Variants in ERBB4 observed in about 807,000 individuals in gnomAD.
ERBB4 encodes erb-b2 receptor tyrosine kinase 4.
Under a neutral mutation model 158.0 loss-of-function variants are expected in ERBB4, and 42 were observed. The ratio of observed to expected loss-of-function variants is 0.27; its 90% CI spans 0.21 to 0.34. The LOEUF (loss-of-function observed/expected upper bound fraction) is 0.34, where lower values mean the gene tolerates loss of function less well. Among genes scored for constraint, ERBB4 ranks in the 10% least tolerant of loss-of-function variants. The pLI is 1.00. For synonymous variants in ERBB4, 583 were observed against 558.7 expected, an observed-to-expected ratio of 1.04 and a Z score of -0.61; for missense variants, 1,333 against 1,624.1, an observed-to-expected ratio of 0.82 and a Z score of 3.08.
intron 12 of ERBB4, among the ~76,000 whole-genome samples, chr2:211,689,288 G>A (rs1157225881): frequency 6.6e-6 from 1 of 152,096 alleles, no homozygotes; most frequent in Admixed American, 6.6e-5. Flanking sequence ...TTGACCTCCT[G>A]CGCTCAAGTG....
intron 1 of ERBB4, among the ~76,000 whole-genome samples, chr2:212,465,115 G>A (rs942417767): frequency 6.6e-6 from 1 of 152,064 alleles, no homozygotes; most frequent in Non-Finnish European, 1.5e-5. Flanking sequence ...AATTAGCCCA[G>A]GAGGCTAGGA....
intron 1 of ERBB4, among the ~76,000 whole-genome samples, chr2:212,396,932 A>C (rs1394724367): frequency 6.6e-6 from 1 of 152,184 alleles, no homozygotes; most frequent in Non-Finnish European, 1.5e-5. Flanking sequence ...CAAAAAATAA[A>C]ATCATTCTGA....
intron 20 of ERBB4, among the ~76,000 whole-genome samples, chr2:211,487,597 C>G (rs1019354087): frequency 1.3e-5 from 2 of 152,024 alleles, no homozygotes; most frequent in African/African-American, 4.8e-5. Flanking sequence ...AAAACAGGTG[C>G]CCCCTTTTCC....
At chr2:212,504,736 GTACAA>G (rs1458836775) in intron 1 of ERBB4, among the ~76,000 whole-genome samples, 1 of 152,004 alleles carries the variant, frequency 6.6e-6, no homozygotes, top group Non-Finnish European at 1.5e-5. Flanking sequence ...AGTTTTTTAT[GTACAA>G]TAAAGTTTGA....
chr2:211,425,296 G>A (rs2063602161), intron 22 of ERBB4, among the ~76,000 whole-genome samples: 1 of 151,956 alleles, frequency 6.6e-6, no homozygotes, highest in East Asian at 1.9e-4. Flanking sequence ...TACTCAGGCT[G>A]AAGTATTTTT....
At chr2:211,769,551 G>T (rs12475709) in intron 4 of ERBB4, among the ~76,000 whole-genome samples, 3,953 of 152,310 alleles carry the variant, frequency 0.026, 236 homozygotes, top group East Asian at 0.19. Flanking sequence ...ACAAGGTAAG[G>T]TCTCAGGATA....
chr2:211,948,971 A>G (rs1227252591), intron 2 of ERBB4, among the ~76,000 whole-genome samples: 1 of 151,338 alleles, frequency 6.6e-6, no homozygotes, highest in Non-Finnish European at 1.5e-5. Context: ...TTCTTCCTCC[A>G]CCCCTCTGGC....
intron 20 of ERBB4, among the ~76,000 whole-genome samples, chr2:211,438,850 G>C (rs1277417806): frequency 6.6e-6 from 1 of 152,106 alleles, no homozygotes; most frequent in East Asian, 1.9e-4. Flanking sequence ...AGCCTGGTTA[G>C]GTTGCAGAGC....
At chr2:211,524,654 G>GC (rs561690937) in intron 20 of ERBB4, among the ~76,000 whole-genome samples, 151,647 of 151,728 alleles carry the variant, frequency 1, 75,784 homozygotes, top group Middle Eastern at 1. Flanking sequence ...GGCCGGCAGG[G>GC]CCGCCGGCTG....
At chr2:211,812,110 T>C (rs1332095896) in intron 3 of ERBB4, among the ~76,000 whole-genome samples, 3 of 152,252 alleles carry the variant, frequency 2.0e-5, no homozygotes, top group Admixed American at 1.3e-4. Context: ...AGACGCGCTC[T>C]GCTTTTTAGA....
chr2:212,117,667 G>A (rs537187524), intron 2 of ERBB4, among the ~76,000 whole-genome samples: 1 of 152,268 alleles, frequency 6.6e-6, no homozygotes, highest in African/African-American at 2.4e-5. Flanking sequence ...TATGCATGCT[G>A]TATCTGAAAA....
intron 20 of ERBB4, among the ~76,000 whole-genome samples, chr2:211,476,626 A>G (rs2064961233): frequency 6.6e-6 from 1 of 152,090 alleles, no homozygotes; most frequent in South Asian, 2.1e-4. Flanking sequence ...TAATGAATCA[A>G]TGGATTTGAG....
At chr2:211,402,569 T>G (rs915640795) in intron 25 of ERBB4, among the ~76,000 whole-genome samples, 2 of 151,932 alleles carry the variant, frequency 1.3e-5, no homozygotes, top group African/African-American at 2.4e-5. Flanking sequence ...CAAGAGAGTT[T>G]GACACAAGCT....
intron 1 of ERBB4, among the ~76,000 whole-genome samples, chr2:212,406,197 G>C (rs1029212302): frequency 2.0e-5 from 3 of 152,106 alleles, no homozygotes; most frequent in African/African-American, 7.2e-5. Flanking sequence ...AGCCTGAGAA[G>C]TTTCATGCAC....
chr2:211,411,506 G>C (rs1459321594), intron 25 of ERBB4, among the ~76,000 whole-genome samples: 1 of 152,164 alleles, frequency 6.6e-6, no homozygotes, highest in Non-Finnish European at 1.5e-5. Context: ...AAGGAGAGGA[G>C]CTCTTTCTTA....
At chr2:211,669,265 T>C (rs1388982819) in intron 14 of ERBB4, among the ~76,000 whole-genome samples, 1 of 144,956 alleles carries the variant, frequency 6.9e-6, no homozygotes, top group East Asian at 2.0e-4. Context: ...AAAAAACAAC[T>C]ATGTACTTTA....
intron 1 of ERBB4, among the ~76,000 whole-genome samples, chr2:212,164,877 G>C (rs1027311203): frequency 1.3e-5 from 2 of 151,956 alleles, no homozygotes; most frequent in African/African-American, 2.4e-5. Context: ...TTGTGCTTGA[G>C]TGTGTATACT....
At chr2:212,163,779 A>G (rs779667979) in intron 1 of ERBB4, among the ~76,000 whole-genome samples, 1 of 151,872 alleles carries the variant, frequency 6.6e-6, no homozygotes, top group Admixed American at 6.6e-5. Flanking sequence ...CCTTTTGTGC[A>G]TGACATACTG....
At chr2:212,138,087 T>G (rs1356847088) in intron 1 of ERBB4, among the ~76,000 whole-genome samples, 4 of 152,172 alleles carry the variant, frequency 2.6e-5, no homozygotes, top group Non-Finnish European at 5.9e-5. Flanking sequence ...GAAATAATAA[T>G]AGTATACAAA....
Sources: allele counts gnomAD v4.1 joint callset (sites outside exome capture counted in the v4.1 genomes callset), GRCh38; gene constraint gnomAD v4.1.1; transcripts MANE v1.5; gene names NCBI Gene and HGNC (gene_info 2026-07-23, HGNC 2026-07-21).